Variants in DENND1A observed in about 807,000 individuals in gnomAD.
DENND1A encodes the protein DENN domain-containing protein 1A.
A neutral mutation model predicts 113.7 loss-of-function variants in DENND1A; 51 were observed. The observed-to-expected ratio is 0.45, with a 90% CI of 0.36 to 0.57. The LOEUF (loss-of-function observed/expected upper bound fraction) is 0.57, where lower values mean the gene tolerates loss of function less well. Ranked by LOEUF, DENND1A falls within the 20% of genes least tolerant of loss-of-function variation. The pLI, the probability that DENND1A is intolerant of heterozygous loss-of-function variation, is 0.00. For synonymous variants in DENND1A, 565 were observed against 570.8 expected, an observed-to-expected ratio of 0.99 and a Z score of 0.14; for missense variants, 1,258 against 1,395.9, an observed-to-expected ratio of 0.90 and a Z score of 1.57.
chr9:123,436,253 C>T (rs1367214811), intron 19 of DENND1A, among the ~76,000 whole-genome samples: 1 of 152,228 alleles, frequency 6.6e-6, no homozygotes, highest in Non-Finnish European at 1.5e-5. Flanking sequence ...ATCACCCCTT[C>T]CAGCTCCCTC....
intron 10 of DENND1A, among the ~76,000 whole-genome samples, chr9:123,621,203 C>A (rs868018070): frequency 0.014 from 2,039 of 143,256 alleles, 47 homozygotes; most frequent in African/African-American, 0.049. Context: ...TTTTTTTTTC[C>A]AAGACAGGGT....
intron 13 of DENND1A, among the ~76,000 whole-genome samples, chr9:123,467,243 A>G (rs2133249394): frequency 6.6e-6 from 1 of 152,046 alleles, no homozygotes; most frequent in East Asian, 1.9e-4. Context: ...GGTCCACTGG[A>G]ATTTGGTGCT....
intron 5 of DENND1A, among the ~76,000 whole-genome samples, chr9:123,708,088 T>C (rs2066346997): frequency 6.6e-6 from 1 of 152,088 alleles, no homozygotes; most frequent in African/African-American, 2.4e-5. Context: ...TGATAGCAGA[T>C]TGCAGAATTT....
At chr9:123,890,326 C>T (rs965423196) in intron 1 of DENND1A, among the ~76,000 whole-genome samples, 5 of 152,198 alleles carry the variant, frequency 3.3e-5, no homozygotes, top group Admixed American at 3.3e-4. Context: ...CCATGAAAAG[C>T]TTCACCATCT....
intron 5 of DENND1A, among the ~76,000 whole-genome samples, chr9:123,703,569 A>G (rs2066003433): frequency 6.6e-6 from 1 of 152,210 alleles, no homozygotes; most frequent in South Asian, 2.1e-4. Context: ...GGAAACAGTA[A>G]GAGAGGAAGA....
At chr9:123,684,461 G>A (rs902659387) in intron 5 of DENND1A, among the ~76,000 whole-genome samples, 2 of 152,140 alleles carry the variant, frequency 1.3e-5, no homozygotes, top group Non-Finnish European at 2.9e-5. Context: ...CAACTGCACT[G>A]CCTTCTGTAA....
At chr9:123,894,163 C>T (rs1404644908) in intron 1 of DENND1A, among the ~76,000 whole-genome samples, 4 of 152,154 alleles carry the variant, frequency 2.6e-5, no homozygotes, top group Admixed American at 6.5e-5. Flanking sequence ...TTTAAACAAG[C>T]GCTTGGTGAA....
intron 1 of DENND1A, among the ~76,000 whole-genome samples, chr9:123,926,428 A>C (rs775603004): frequency 6.6e-6 from 1 of 152,064 alleles, no homozygotes; most frequent in African/African-American, 2.4e-5. Flanking sequence ...TTAGCCAGGC[A>C]TGGTGTCTCA....
intron 13 of DENND1A, among the ~76,000 whole-genome samples, chr9:123,478,412 C>A (rs530120476): frequency 6.6e-6 from 1 of 152,364 alleles, no homozygotes; most frequent in South Asian, 2.1e-4. Flanking sequence ...CAGTCTGGTT[C>A]CTGGGAAATG....
intron 21 of DENND1A, among the ~76,000 whole-genome samples, chr9:123,398,365 C>CT (rs903949693): frequency 6.7e-5 from 10 of 150,330 alleles, no homozygotes; most frequent in South Asian, 2.1e-4. Context: ...CTGCCATTGG[C>CT]TTTTTTTTTT....
chr9:123,419,799 A>T (rs983556902), intron 19 of DENND1A, among the ~76,000 whole-genome samples: 1 of 152,198 alleles, frequency 6.6e-6, no homozygotes, highest in African/African-American at 2.4e-5. Flanking sequence ...TTGCAGGCAC[A>T]GCTCTCACCT....
At chr9:123,879,391 G>C (rs1329010886) in intron 1 of DENND1A, among the ~76,000 whole-genome samples, 2 of 152,112 alleles carry the variant, frequency 1.3e-5, no homozygotes, top group East Asian at 1.9e-4. Context: ...AAATCAGCCA[G>C]ACATGGTGGT....
intron 18 of DENND1A, among the ~76,000 whole-genome samples, chr9:123,448,134 T>C (rs1031758715): frequency 6.6e-6 from 1 of 152,134 alleles, no homozygotes; most frequent in Admixed American, 6.6e-5. Flanking sequence ...TAGAACATTA[T>C]CTCCTGAAGC....
At chr9:123,577,068 T>C (rs1456851960) in intron 12 of DENND1A, among the ~76,000 whole-genome samples, 1 of 152,234 alleles carries the variant, frequency 6.6e-6, no homozygotes, top group East Asian at 1.9e-4. Flanking sequence ...ATATTTTTTC[T>C]GTCTTTCCTC....
At chr9:123,750,721 G>A (rs764956376) in intron 5 of DENND1A, among the ~76,000 whole-genome samples, 13 of 152,180 alleles carry the variant, frequency 8.5e-5, no homozygotes, top group African/African-American at 2.7e-4. Flanking sequence ...TCTGTTAAAC[G>A]GTATGAAAGA....
At chr9:123,543,881 AACAGTGACCAG>A (rs2056464274) in intron 13 of DENND1A, among the ~76,000 whole-genome samples, 1 of 138,334 alleles carries the variant, frequency 7.2e-6, no homozygotes, top group South Asian at 2.2e-4. Context: ...CACTGTCTTT[AACAGTGACCAG>A]GTCTTATTTG....
intron 21 of DENND1A, among the ~76,000 whole-genome samples, chr9:123,393,107 T>C (rs562652201): frequency 6.6e-6 from 1 of 152,366 alleles, no homozygotes; most frequent in African/African-American, 2.4e-5. Context: ...CCTTATTTTC[T>C]TATCTGTAAA....
chr9:123,609,107 T>C (rs74423571), intron 11 of DENND1A, among the ~76,000 whole-genome samples: 3,577 of 152,342 alleles, frequency 0.023, 50 homozygotes, highest in Non-Finnish European at 0.033. Flanking sequence ...AATGCAATAT[T>C]GCTATAGCGA....
chr9:123,777,652 TAGAC>T (rs1156434933), intron 3 of DENND1A, among the ~76,000 whole-genome samples: 2 of 152,232 alleles, frequency 1.3e-5, no homozygotes, highest in African/African-American at 2.4e-5. Context: ...TTTCTTCTGA[TAGAC>T]AGGATCATAG....
Sources: gnomAD v4.1 joint callset for allele counts (sites outside exome capture counted in the v4.1 genomes callset) on GRCh38, gnomAD v4.1.1 for gene constraint, MANE v1.5 for transcripts, NCBI Gene and HGNC (gene_info 2026-07-23, HGNC 2026-07-21) for gene names.